TLN2: variants seen among roughly 807,000 people sequenced by gnomAD.
TLN2 encodes the protein talin 2, also known as talin-2.
A neutral mutation model predicts 294.7 loss-of-function variants in TLN2; 118 were observed. That is an observed-to-expected ratio of 0.40 (90% CI 0.34 to 0.47). TLN2 has a LOEUF of 0.47. Among genes scored for constraint, TLN2 ranks in the 20% least tolerant of loss-of-function variants. The pLI is 0.84. For synonymous variants in TLN2, 1,431 were observed against 1,304.5 expected (o/e 1.10, Z -2.09); for missense variants, 3,083 against 3,282.2 (o/e 0.94, Z 1.48).
chr15:62,640,458 G>A (rs2050919481), intron 3 of TLN2: 2 of 423,662 alleles, frequency 4.7e-6, no homozygotes, highest in African/African-American at 2.0e-5. Context: ...CTCTGGTCTT[G>A]CCAGGTGGGC....
chr15:62,478,102 C>T (rs1385119960), intron 1 of TLN2, among the ~76,000 whole-genome samples: 4 of 152,254 alleles, frequency 2.6e-5, no homozygotes, highest in South Asian at 2.1e-4. Flanking sequence ...GTGTGGCACA[C>T]GTTCTTGTAA....
At chr15:62,715,959 G>A (rs1167399418) in intron 22 of TLN2, among the ~76,000 whole-genome samples, 1 of 152,162 alleles carries the variant, frequency 6.6e-6, no homozygotes, top group Non-Finnish European at 1.5e-5. Context: ...GAAGACATGT[G>A]TCATTACTGT....
chr15:62,812,592 T>G (rs2066777644), intron 52 of TLN2, among the ~76,000 whole-genome samples: 1 of 152,130 alleles, frequency 6.6e-6, no homozygotes, highest in African/African-American at 2.4e-5. Flanking sequence ...TAGGGAGAAG[T>G]GTCTCTCAGG....
intron 1 of TLN2, among the ~76,000 whole-genome samples, chr15:62,405,237 G>C (rs1254414343): frequency 1.3e-5 from 2 of 152,148 alleles, no homozygotes; most frequent in Non-Finnish European, 2.9e-5. Context: ...TATTAAAACT[G>C]CTAGTTCCGA....
intron 21 of TLN2, among the ~76,000 whole-genome samples, chr15:62,711,162 C>G (rs952344285): frequency 1.3e-5 from 2 of 152,176 alleles, no homozygotes; most frequent in African/African-American, 2.4e-5. Flanking sequence ...ATGACCTTTG[C>G]TAGAGGAAGA....
chr15:62,438,234 T>C (rs1308023840), intron 1 of TLN2, among the ~76,000 whole-genome samples: 1 of 152,214 alleles, frequency 6.6e-6, no homozygotes, highest in East Asian at 1.9e-4. Context: ...ACAGGGGCAC[T>C]GGGGAGCAGC....
At chr15:62,459,517 T>G (rs1359299920) in intron 1 of TLN2, among the ~76,000 whole-genome samples, 2 of 152,112 alleles carry the variant, frequency 1.3e-5, no homozygotes, top group African/African-American at 2.4e-5. Flanking sequence ...TACTGGAGTT[T>G]GAATAGGAAA....
At chr15:62,446,223 C>T (rs948556849) in intron 1 of TLN2, among the ~76,000 whole-genome samples, 3 of 152,026 alleles carry the variant, frequency 2.0e-5, no homozygotes, top group African/African-American at 4.8e-5. Flanking sequence ...TGGTCTGGAT[C>T]TCCTGACCTC....
intron 18 of TLN2, among the ~76,000 whole-genome samples, chr15:62,702,461 G>A (rs569204855): frequency 3.9e-5 from 6 of 152,322 alleles, no homozygotes; most frequent in East Asian, 3.9e-4. Flanking sequence ...TGACTAATAC[G>A]CATTTAAGGG....
intron 35 of TLN2, among the ~76,000 whole-genome samples, chr15:62,752,695 A>C (rs547363673): frequency 2.0e-5 from 3 of 152,326 alleles, no homozygotes; most frequent in East Asian, 3.9e-4. Context: ...AATCCTTTTA[A>C]AAGTTTTTAT....
chr15:62,484,240 A>C (rs1312785966), intron 1 of TLN2, among the ~76,000 whole-genome samples: 1 of 152,186 alleles, frequency 6.6e-6, no homozygotes. Context: ...GCTCTGGGCC[A>C]CTGGTGTCTG....
At chr15:62,768,265 G>C (rs2047412) in intron 41 of TLN2, among the ~76,000 whole-genome samples, 1 of 152,192 alleles carries the variant, frequency 6.6e-6, no homozygotes, top group East Asian at 1.9e-4. Context: ...GGTGGTGGCA[G>C]GGCTGTGCAG....
At chr15:62,642,815 C>T (rs866507724) in intron 3 of TLN2, among the ~76,000 whole-genome samples, 24 of 151,986 alleles carry the variant, frequency 1.6e-4, no homozygotes, top group Middle Eastern at 6.8e-3. Flanking sequence ...GATTCTCCTG[C>T]CTCAGCCTCC....
rs2140993810 is a variant in TLN2, at chr15:62,750,487, C to T, written c.4205C>T (p.Ser1402Phe). 1 of 1,613,892 alleles carries T rather than the reference C, an allele frequency of 6.2e-7. No individual in the cohort carries two copies. The highest frequency in any genetic ancestry group is 1.7e-5 in the Admixed American group (1 of 60,022). The change falls in exon 34 of 59, where the codon TCC becomes TTC. Residue 1402 changes from serine (S) to phenylalanine (F), a missense_variant. Coordinates refer to ENST00000636159, the MANE Select transcript of TLN2 (RefSeq NM_015059.3). ...TGCATTGAGAGTGTGATGGAAAACT[C>T]CAAGGTAAGACTGCCTATGCCGTAA... The part of the protein sequence containing the change: ...FDCIESVMEN[S>F]KVLGESMAGI...
chr15:62,776,751 A>G lies in TLN2; in HGVS notation c.5368-13A>G, dbSNP rs760883546. On this transcript the variant is annotated splice_polypyrimidine_tract_variant and intron_variant, in intron 42 of 58. Coordinates refer to ENST00000636159, the MANE Select transcript of TLN2 (RefSeq NM_015059.3). The stretch of plus-strand genomic sequence containing the variant: ...CTTCTGCTTAAGGAAATGTTTCACA[A>G]TTCCCTTCTCAGGCACAACACACCC... The G allele has an allele frequency of 3.3e-6, 5 of 1,499,118 alleles. No individual in the cohort carries two copies. Among genetic ancestry groups the G allele is most frequent in the East Asian group, 2.5e-5 (1 of 40,014 alleles). The allele number at this position is 1,499,118 out of a possible 1,614,324, so 92.9% of individuals were successfully genotyped here.
At chr15:62,583,973 C>G (rs1034704182) in intron 1 of TLN2, among the ~76,000 whole-genome samples, 1 of 152,124 alleles carries the variant, frequency 6.6e-6, no homozygotes, top group African/African-American at 2.4e-5. Context: ...TTCTTGCCCT[C>G]CTAGTAAGCA....
chr15:62,468,763 A>C (rs2037293935), intron 1 of TLN2, among the ~76,000 whole-genome samples: 2 of 57,664 alleles, frequency 3.5e-5, no homozygotes, highest in East Asian at 6.9e-4. Context: ...AATAAAAATA[A>C]AAAAAATACA....
In TLN2 at chr15:62,804,806, C is replaced by T. The variant is rs138383766; in HGVS notation, c.6478-794C>T. On this transcript the variant is annotated intron_variant, in intron 50 of 58. Transcript: ENST00000636159. ...CACTCTTCTGCATCAGGGAAGCCTT[C>T]CTTGCTGAAACATGGTTGCCTAGGG... 7.5e-3 allele frequency among the ~76,000 whole-genome samples: 1,143 copies of T among 152,280 alleles called. 7 individuals are homozygous for T. Among genetic ancestry groups the T allele is most frequent in the Middle Eastern group, 0.024 (7 of 294 alleles).
intron 32 of TLN2, among the ~76,000 whole-genome samples, chr15:62,747,474 C>T (rs565890832): frequency 6.6e-6 from 1 of 152,218 alleles, no homozygotes; most frequent in East Asian, 1.9e-4. Context: ...AGGCACAGTT[C>T]ACTTTATATC....
Sources: gnomAD v4.1 joint callset for allele counts (sites outside exome capture counted in the v4.1 genomes callset) on GRCh38, gnomAD v4.1.1 for gene constraint, MANE v1.5 for transcripts, NCBI Gene and HGNC (gene_info 2026-07-23, HGNC 2026-07-21) for gene names.